Variants in SEMA3C observed in about 807,000 individuals in gnomAD.
SEMA3C encodes the protein semaphorin 3C, also known as semaphorin-3C.
SEMA3C carries 47 observed loss-of-function variants against 89.4 expected under a neutral mutation model. That is an observed-to-expected ratio of 0.53 (90% CI 0.42 to 0.67). The LOEUF (loss-of-function observed/expected upper bound fraction) is 0.67. SEMA3C is among the 30% of genes least tolerant of loss of function. The pLI, the probability that SEMA3C is intolerant of heterozygous loss-of-function variation, is 0.00. For synonymous variants in SEMA3C, 310 were observed against 320.2 expected (o/e 0.97, Z 0.34); for missense variants, 839 against 929.1 (o/e 0.90, Z 1.26).
At position 80,751,315 on chromosome 7, in the gene SEMA3C, C is replaced by T. The variant is rs2117033214; in HGVS notation, c.1665G>A (p.Val555=). The part of the protein sequence containing the change: ...TGKRRSRRQD[V]RHGNPLTQCR... ...ATTGAGTCAGTGGGTTTCCATGTCT[C>T]ACATCTTGTCTTCGGCTCCTCCTGC... The change falls in exon 16 of 18, where the codon GTG becomes GTA. Residue 555 remains valine, a synonymous_variant. Coordinates refer to ENST00000265361, the MANE Select transcript of SEMA3C (RefSeq NM_006379.5). The T allele has an allele frequency of 6.2e-7, 1 of 1,613,972 alleles. No homozygotes were observed. The highest frequency in any genetic ancestry group is 1.1e-5 in the South Asian group (1 of 91,080).
At chr7:80,818,057 T>TACACACAC (rs58398775) in intron 5 of SEMA3C, among the ~76,000 whole-genome samples, 1 of 149,332 alleles carries the variant, frequency 6.7e-6, no homozygotes, top group African/African-American at 2.5e-5. Flanking sequence ...ACTAAAAGTA[T>TACACACAC]ACACACACAC....
intron 2 of SEMA3C, among the ~76,000 whole-genome samples, chr7:80,863,966 CAT>C (rs567412699): frequency 1.6e-4 from 22 of 135,936 alleles, no homozygotes; most frequent in Non-Finnish European, 2.3e-4. Flanking sequence ...ATGTATATCA[CAT>C]ATATATCACA....
At chr7:80,790,880 GTTA>G (rs1788922065) in intron 11 of SEMA3C, among the ~76,000 whole-genome samples, 1 of 152,066 alleles carries the variant, frequency 6.6e-6, no homozygotes, top group Non-Finnish European at 1.5e-5. Context: ...GGTCTATTTT[GTTA>G]TTGTTTTGCC....
chr7:80,844,969 G>A (rs1790355080), intron 2 of SEMA3C, among the ~76,000 whole-genome samples: 1 of 152,132 alleles, frequency 6.6e-6, no homozygotes, highest in Admixed American at 6.6e-5. Context: ...TTGTCAGGGG[G>A]TTCATGATCT....
chr7:80,914,055 A>G (rs1412360150), intron 2 of SEMA3C, among the ~76,000 whole-genome samples: 1 of 152,212 alleles, frequency 6.6e-6, no homozygotes, highest in Non-Finnish European at 1.5e-5. Context: ...AGTAATTACG[A>G]GAGAATCTAA....
At chr7:80,871,315 T>C (rs965229608) in intron 2 of SEMA3C, among the ~76,000 whole-genome samples, 1 of 152,220 alleles carries the variant, frequency 6.6e-6, no homozygotes, top group Non-Finnish European at 1.5e-5. Context: ...ATTTTAATCC[T>C]GTTACTTCCT....
intron 2 of SEMA3C, among the ~76,000 whole-genome samples, chr7:80,838,395 T>A (rs1790184109): frequency 6.6e-6 from 1 of 152,222 alleles, no homozygotes; most frequent in Admixed American, 6.5e-5. Context: ...TTACACATAT[T>A]ATCTATTGTT....
chr7:80,817,935 T>C (rs1034519019), intron 5 of SEMA3C, among the ~76,000 whole-genome samples: 6 of 152,094 alleles, frequency 3.9e-5, no homozygotes, highest in African/African-American at 1.4e-4. Flanking sequence ...CTGTATTACA[T>C]TCAAGTAATC....
At chr7:80,888,223 G>A (rs1463444633) in intron 2 of SEMA3C, among the ~76,000 whole-genome samples, 1 of 151,900 alleles carries the variant, frequency 6.6e-6, no homozygotes, top group African/African-American at 2.4e-5. Context: ...GACTATCCTG[G>A]GCAACATGGC....
intron 2 of SEMA3C, among the ~76,000 whole-genome samples, chr7:80,852,134 T>C (rs926724905): frequency 1.3e-5 from 2 of 152,134 alleles, no homozygotes; most frequent in Non-Finnish European, 2.9e-5. Flanking sequence ...ACTAGAAGAC[T>C]CTTGGACACA....
chr7:80,800,947 C>A, intron 9 of SEMA3C, 121 bp from the exon 10 acceptor site: 1 of 489,316 alleles, frequency 2.0e-6, no homozygotes, highest in South Asian at 4.2e-5. Context: ...ATTCCTGTAC[C>A]ATTATGGTAA....
intron 17 of SEMA3C, among the ~76,000 whole-genome samples, chr7:80,745,954 A>T (rs1440859791): frequency 6.6e-6 from 1 of 152,172 alleles, no homozygotes; most frequent in African/African-American, 2.4e-5. Flanking sequence ...GAAAGGTAAT[A>T]AAAAGCTATG....
chr7:80,846,075 G>A (rs1021368325), intron 2 of SEMA3C, among the ~76,000 whole-genome samples: 1 of 152,128 alleles, frequency 6.6e-6, no homozygotes, highest in African/African-American at 2.4e-5. Context: ...CTGATATTCT[G>A]AAATTCATTC....
At chr7:80,755,762 G>A (rs959857606) in intron 15 of SEMA3C, among the ~76,000 whole-genome samples, 1 of 151,970 alleles carries the variant, frequency 6.6e-6, no homozygotes. Flanking sequence ...AAACAAATAT[G>A]GTTGAAAAAT....
chr7:80,853,120 C>T (rs1317610214), intron 2 of SEMA3C, among the ~76,000 whole-genome samples: 1 of 152,098 alleles, frequency 6.6e-6, no homozygotes, highest in African/African-American at 2.4e-5. Flanking sequence ...CAGACACTAA[C>T]GAATGCTGGC....
rs1368789831 is a variant in SEMA3C at position 80,758,422 on chromosome 7, C to T, written c.1552G>A (p.Gly518Ser). The T allele has an allele frequency of 5.6e-6, 9 of 1,614,104 alleles. No individual in the cohort carries two copies. The highest frequency in any genetic ancestry group is 7.6e-6 in the Non-Finnish European group (9 of 1,180,002). Reference protein sequence around the residue: ...QVSLHRCHIYGTACADCCLAR... With the variant: ...QVSLHRCHIYSTACADCCLAR... ...AGGCAGCAGTCAGCACAGGCTGTAC[C>T]ATAGATGTGGCAGCGGTGCAGAGAT... is the stretch of plus-strand genomic sequence containing the variant. Residue 518 changes from glycine to serine, a missense_variant, in exon 15 of 18, where the codon GGT (glycine) becomes AGT (serine). Coordinates refer to ENST00000265361, the MANE Select transcript of SEMA3C (RefSeq NM_006379.5).
intron 12 of SEMA3C, among the ~76,000 whole-genome samples, chr7:80,787,390 T>A (rs1583877100): frequency 1.0e-5 from 1 of 99,872 alleles, no homozygotes. Context: ...AGACTCCGTT[T>A]AAAAAAAAAA....
At chr7:80,833,378 T>G (rs1790052839) in intron 2 of SEMA3C, among the ~76,000 whole-genome samples, 1 of 151,868 alleles carries the variant, frequency 6.6e-6, no homozygotes, top group Non-Finnish European at 1.5e-5. Flanking sequence ...GGAGAATCAC[T>G]TGAACCTGGG....
chr7:80,818,237 T>C (rs1168637079), intron 5 of SEMA3C, 62 bp downstream of exon 5: 2 of 1,462,042 alleles, frequency 1.4e-6, no homozygotes, highest in Non-Finnish European at 1.9e-6. Flanking sequence ...TACTCTAAAA[T>C]ACAGTTTCAA....
Sources: gnomAD v4.1 joint callset for allele counts (sites outside exome capture counted in the v4.1 genomes callset) on GRCh38, gnomAD v4.1.1 for gene constraint, MANE v1.5 for transcripts, NCBI Gene and HGNC (gene_info 2026-07-23, HGNC 2026-07-21) for gene names.